Variants in MBTD1 observed in about 807,000 individuals in gnomAD.
MBTD1 encodes mbt domain containing 1.
MBTD1 carries 24 observed loss-of-function variants against 87.8 expected under a neutral mutation model. The ratio of observed to expected loss-of-function variants is 0.27; its 90% CI spans 0.20 to 0.38. The LOEUF (loss-of-function observed/expected upper bound fraction) is 0.38, where lower values mean the gene tolerates loss of function less well. Ranked by LOEUF, MBTD1 falls within the 10% of genes least tolerant of loss-of-function variation. The pLI is 1.00. For synonymous variants in MBTD1, 237 were observed against 248.6 expected (o/e 0.95, Z 0.44); for missense variants, 436 against 760.2 (o/e 0.57, Z 5.02).
intron 2 of MBTD1, among the ~76,000 whole-genome samples, chr17:51,234,744 A>G (rs1375186356): frequency 6.6e-6 from 1 of 152,212 alleles, no homozygotes; most frequent in Non-Finnish European, 1.5e-5. Flanking sequence ...CCCAGGCTGG[A>G]GCGCAATGGT....
chr17:51,238,483 T>C (rs2053978693), intron 2 of MBTD1, among the ~76,000 whole-genome samples: 1 of 152,138 alleles, frequency 6.6e-6, no homozygotes, highest in Admixed American at 6.5e-5. Flanking sequence ...TCTAAAGCAA[T>C]GATAAAGGGA....
In MBTD1 at chr17:51,259,934, C is replaced by T; in HGVS notation, c.-212G>A. 1.7e-6 allele frequency: 2 copies of T among 1,206,696 alleles called. No homozygotes were observed. Among genetic ancestry groups the T allele is most frequent in the Non-Finnish European group, 2.1e-6 (2 of 964,824 alleles). The allele number at this position is 1,206,696 out of a possible 1,614,324, so 74.7% of individuals were successfully genotyped here. The stretch of plus-strand genomic sequence containing the variant: ...CCCCGGGCTGGGGGCAGGTGCCTCT[C>T]CCCGGGACTGCGGCGACTACAGGGG... On this transcript the variant is annotated 5_prime_UTR_variant, in exon 1 of 17. Coordinates refer to ENST00000586178, the MANE Select transcript of MBTD1 (RefSeq NM_017643.3).
At chr17:51,231,996 G>A (rs2053576339) in intron 2 of MBTD1, among the ~76,000 whole-genome samples, 1 of 151,822 alleles carries the variant, frequency 6.6e-6, no homozygotes, top group Non-Finnish European at 1.5e-5. Context: ...TCCTACATTA[G>A]ACCAAAACCC....
intron 2 of MBTD1, among the ~76,000 whole-genome samples, chr17:51,247,815 G>GT (rs1440674485): frequency 6.6e-6 from 1 of 152,222 alleles, no homozygotes. Flanking sequence ...AGCATCGGGA[G>GT]TATCTGGTCA....
intron 16 of MBTD1, among the ~76,000 whole-genome samples, chr17:51,182,709 C>A (rs755975161): frequency 6.6e-6 from 1 of 152,140 alleles, no homozygotes; most frequent in Non-Finnish European, 1.5e-5. Context: ...AAAAGTTCTT[C>A]ATTTTTCTCT....
At chr17:51,190,897 G>A (rs993778011) in intron 16 of MBTD1, among the ~76,000 whole-genome samples, 5 of 151,148 alleles carry the variant, frequency 3.3e-5, no homozygotes, top group Non-Finnish European at 7.4e-5. Flanking sequence ...CCTGGGCAAC[G>A]TGGCAAGACT....
At chr17:51,244,363 T>C (rs1002384284) in intron 2 of MBTD1, among the ~76,000 whole-genome samples, 1 of 152,208 alleles carries the variant, frequency 6.6e-6, no homozygotes, top group Non-Finnish European at 1.5e-5. Context: ...ATTCTTATTC[T>C]GGGGCTCAAA....
intron 2 of MBTD1, among the ~76,000 whole-genome samples, chr17:51,228,741 A>C (rs2053386215): frequency 6.6e-6 from 1 of 151,690 alleles, no homozygotes; most frequent in South Asian, 2.1e-4. Flanking sequence ...AAAAATACAA[A>C]AAAAAATTAG....
At chr17:51,187,035 ACT>A (rs1316468012) in intron 16 of MBTD1, among the ~76,000 whole-genome samples, 1 of 152,134 alleles carries the variant, frequency 6.6e-6, no homozygotes, top group African/African-American at 2.4e-5. Flanking sequence ...TTTACAATTC[ACT>A]CTTTTAGAAA....
At chr17:51,185,156 AG>A (rs2050479223) in intron 16 of MBTD1, 2 of 152,382 alleles carry the variant, frequency 1.3e-5, no homozygotes, top group South Asian at 2.1e-4. Flanking sequence ...AAACAGAGCT[AG>A]GTAACAAGTC....
At chr17:51,190,750 A>AATATATATATATATATAT (rs1555677186) in intron 16 of MBTD1, among the ~76,000 whole-genome samples, 31 of 39,678 alleles carry the variant, frequency 7.8e-4, no homozygotes, top group African/African-American at 2.9e-3. Context: ...AAAAAAAAAA[A>AATATATATATATATATAT]ATATATATAT....
intron 3 of MBTD1, among the ~76,000 whole-genome samples, chr17:51,221,376 T>C (rs2052881530): frequency 6.6e-6 from 1 of 152,166 alleles, no homozygotes; most frequent in East Asian, 1.9e-4. Context: ...TAATCAGTGA[T>C]AGTGGGAAAC....
intron 2 of MBTD1, among the ~76,000 whole-genome samples, chr17:51,237,634 C>T (rs1598408070): frequency 6.6e-6 from 1 of 152,130 alleles, no homozygotes; most frequent in African/African-American, 2.4e-5. Flanking sequence ...CTGTAACACA[C>T]CTATTAGAAT....
chr17:51,203,728 G>T, intron 8 of MBTD1, 63 bp downstream of exon 8: 1 of 1,508,270 alleles, frequency 6.6e-7, no homozygotes, highest in Non-Finnish European at 9.1e-7. Context: ...ACATTACTAT[G>T]TGTAAAATAG....
intron 7 of MBTD1, among the ~76,000 whole-genome samples, chr17:51,206,257 G>C (rs1038016098): frequency 2.0e-5 from 3 of 152,186 alleles, no homozygotes; most frequent in Middle Eastern, 3.4e-3. Context: ...TTGGTATTAA[G>C]GTTCTTACCA....
At position 51,179,484 on chromosome 17, in the gene MBTD1, TTATATA is replaced by T. The variant is rs56750454; in HGVS notation, c.*1086_*1091del. The stretch of plus-strand genomic sequence containing the variant: ...ATCCTGAATACAATTAAAGACAATT[TTATATA>T]TATATATATATATATATATATATAT... On this transcript the variant is annotated 3_prime_UTR_variant, in exon 17 of 17. Transcript: ENST00000586178. The T allele has an allele frequency of 0.017, 577 of 34,958 alleles. 10 individuals are homozygous for T. Among genetic ancestry groups the T allele is most frequent in the Middle Eastern group, 0.04 (2 of 50 alleles). The allele number at this position is 34,958 out of a possible 1,614,324, so 2.2% of individuals were successfully genotyped here.
chr17:51,186,380 G>A (rs1220054675), intron 16 of MBTD1: 1 of 152,310 alleles, frequency 6.6e-6, no homozygotes, highest in African/African-American at 2.4e-5. Context: ...GACTGAATGT[G>A]TGTGTTGGGG....
intron 2 of MBTD1, among the ~76,000 whole-genome samples, chr17:51,258,701 T>C (rs1252718279): frequency 6.6e-6 from 1 of 152,212 alleles, no homozygotes; most frequent in African/African-American, 2.4e-5. Context: ...TGTTTTGTGA[T>C]ACAAGAACCA....
At chr17:51,208,812 TTTG>T (rs1453215918) in intron 6 of MBTD1, among the ~76,000 whole-genome samples, 1 of 152,206 alleles carries the variant, frequency 6.6e-6, no homozygotes, top group Non-Finnish European at 1.5e-5. Context: ...AGCCTTAACA[TTTG>T]TTGGAGAAAA....
Sources: allele counts gnomAD v4.1 joint callset (sites outside exome capture counted in the v4.1 genomes callset), GRCh38; gene constraint gnomAD v4.1.1; transcripts MANE v1.5; gene names NCBI Gene and HGNC (gene_info 2026-07-23, HGNC 2026-07-21).